The following GM2A variants were observed in gnomAD, a reference collection of about 807,000 sequenced individuals.
GM2A encodes ganglioside GM2 activator.
In GM2A, 7 loss-of-function variants were observed where a neutral mutation model predicts 12.9. The observed-to-expected ratio is 0.54, with a 90% confidence interval of 0.31 to 1.02. The LOEUF is 1.02. GM2A is among the 50% of genes least tolerant of loss of function. GM2A has a pLI of 0.05. For missense variants in GM2A, 246 were observed against 241.0 expected, an observed-to-expected ratio of 1.02 and a Z score of -0.14; for synonymous variants, 101 against 96.0, an observed-to-expected ratio of 1.05 and a Z score of -0.30.
intron 2 of GM2A, 33 bp downstream of exon 2, chr5:151,259,949 G>A: frequency 1.3e-6 from 2 of 1,591,350 alleles, no homozygotes; most frequent in Non-Finnish European, 1.7e-6. Context: ...AAGGGGAGGT[G>A]CGAGGGTCTG....
At chr5:151,262,148 T>C (rs1232965756) in intron 2 of GM2A, among the ~76,000 whole-genome samples, 1 of 152,236 alleles carries the variant, frequency 6.6e-6, no homozygotes. Flanking sequence ...TAGGGGTGTA[T>C]GTTTTTATAT....
At chr5:151,255,813 C>T (rs926673818) in intron 1 of GM2A, among the ~76,000 whole-genome samples, 1 of 152,162 alleles carries the variant, frequency 6.6e-6, no homozygotes, top group Admixed American at 6.5e-5. Flanking sequence ...CTCTTGGCTC[C>T]AGGGCTGGCC....
At position 151,267,968 on chromosome 5, in the gene GM2A, T is replaced by G. The variant is rs1753927301; in HGVS notation, c.*517T>G. The G allele has an allele frequency of 8.9e-7, 1 of 1,120,406 alleles. No homozygotes were observed. Among genetic ancestry groups the G allele is most frequent in the Non-Finnish European group, 1.1e-6 (1 of 909,892 alleles). 69.4% of individuals were successfully genotyped at this position (1,120,406 alleles called of 1,614,324 possible). A position where few individuals can be genotyped will look rare whatever the true frequency, so the allele number is the denominator to read the frequency against. The stretch of plus-strand genomic sequence containing the variant: ...GACTAATTTTTATTTCCTTTCTAGA[T>G]TTGCCCAATTAATACTAGGGTGCAG... On this transcript the variant is annotated 3_prime_UTR_variant, in exon 4 of 4. Transcript: ENST00000357164.
At chr5:151,265,351 T>C (rs1753864927) in intron 2 of GM2A, among the ~76,000 whole-genome samples, 1 of 152,214 alleles carries the variant, frequency 6.6e-6, no homozygotes, top group African/African-American at 2.4e-5. Context: ...GGAACCAGCC[T>C]GAGCCCAGCA....
chr5:151,259,807 C>A lies in GM2A; in HGVS notation c.134C>A (p.Pro45His). The A allele has an allele frequency of 6.2e-7, 1 of 1,613,730 alleles. No homozygotes were observed. Among genetic ancestry groups the A allele is most frequent in the Non-Finnish European group, 8.5e-7 (1 of 1,179,616 alleles). Residue 45 changes from proline (P) to histidine (H), a missense_variant, in exon 2 of 4, where the codon CCT becomes CAT. Physicochemically the swap from Pro to His is moderately conservative, Grantham distance 77. Transcript: ENST00000357164. ...GATAACTGTGATGAAGGGAAGGACC[C>A]TGCGGTGATCAGAAGCCTGACTCTG... Reference protein sequence around the residue: ...SWDNCDEGKDPAVIRSLTLEP... With the variant: ...SWDNCDEGKDHAVIRSLTLEP...
chr5:151,255,316 A>C (rs980464408), intron 1 of GM2A, among the ~76,000 whole-genome samples: 2 of 152,196 alleles, frequency 1.3e-5, no homozygotes, highest in Admixed American at 6.6e-5. Context: ...AAAAAACCCC[A>C]AAAACAAAAA....
intron 1 of GM2A, among the ~76,000 whole-genome samples, chr5:151,258,414 A>T (rs1045867427): frequency 6.6e-6 from 1 of 152,242 alleles, no homozygotes; most frequent in Non-Finnish European, 1.5e-5. Context: ...CTATAAAATC[A>T]CATGGTAAGT....
At position 151,253,199 on chromosome 5, in the gene GM2A, C is replaced by T. The variant is rs749782834; in HGVS notation, c.-18C>T. 1.2e-5 allele frequency: 19 copies of T among 1,606,400 alleles called. No individual in the cohort carries two copies. Among genetic ancestry groups the T allele is most frequent in the South Asian group, 8.8e-5 (8 of 90,920 alleles). ...CCACAGACCTTGCAGTTAACTCCGC[C>T]CTGACCCACCCTTCCCGATGCAGTC... On this transcript the variant is annotated 5_prime_UTR_variant, in exon 1 of 4. Transcript: ENST00000357164.
At chr5:151,267,059 G>A (rs969918266) in intron 3 of GM2A, 146 bp downstream of exon 3, 4 of 856,918 alleles carry the variant, frequency 4.7e-6, no homozygotes, top group Non-Finnish European at 5.7e-6. Context: ...CTTATCTTCC[G>A]GGAGCCTCAG....
chr5:151,258,312 C>T (rs1411561094), intron 1 of GM2A, among the ~76,000 whole-genome samples: 1 of 152,236 alleles, frequency 6.6e-6, no homozygotes, highest in East Asian at 1.9e-4. Flanking sequence ...GCTTTACATA[C>T]ACGCTCTCGC....
At position 151,268,161 on chromosome 5, in the gene GM2A, CTT is replaced by C. The variant is rs35982513; in HGVS notation, c.*722_*723del. 6.1e-4 allele frequency: 516 copies of C among 840,300 alleles called. No individual in the cohort carries two copies. The highest frequency in any genetic ancestry group is 6.9e-4 in the Non-Finnish European group (488 of 705,184). The allele number at this position is 840,300 out of a possible 1,614,324, so 52.1% of individuals were successfully genotyped here. On this transcript the variant is annotated 3_prime_UTR_variant, in exon 4 of 4. Coordinates refer to ENST00000357164, the MANE Select transcript of GM2A (RefSeq NM_000405.5). The stretch of plus-strand genomic sequence containing the variant: ...TTCCAGGCTTGATTTCGATTTTTCG[CTT>C]TTTTTTTTTTTGAGACAGAATCTCA...
At position 151,269,931 on chromosome 5, in the gene GM2A, G is replaced by A. The variant is rs756257410; in HGVS notation, c.*2480G>A. Reference sequence around the variant, plus strand: ...CACGAGTTGACCACTTCCCAATGCCGGGGATCTGACACCTCACCTGGCAAT... The same window carrying A: ...CACGAGTTGACCACTTCCCAATGCCAGGGATCTGACACCTCACCTGGCAAT... On this transcript the variant is annotated 3_prime_UTR_variant, in exon 4 of 4. Transcript: ENST00000357164. 74 of 1,180,326 alleles carry A rather than the reference G, an allele frequency of 6.3e-5. No homozygotes were observed. The highest frequency in any genetic ancestry group is 3.6e-4 in the Admixed American group (8 of 22,490). The allele number at this position is 1,180,326 out of a possible 1,614,324, so 73.1% of individuals were successfully genotyped here. A position where few individuals can be genotyped will look rare whatever the true frequency, so the allele number is the denominator to read the frequency against.
chr5:151,255,016 C>T (rs1753657539), intron 1 of GM2A, among the ~76,000 whole-genome samples: 1 of 152,034 alleles, frequency 6.6e-6, no homozygotes, highest in African/African-American at 2.4e-5. Context: ...TAAAAAAAAC[C>T]CAAGACCAGG....
intron 2 of GM2A, among the ~76,000 whole-genome samples, chr5:151,262,297 CT>C (rs1753812002): frequency 6.6e-6 from 1 of 152,192 alleles, no homozygotes; most frequent in Non-Finnish European, 1.5e-5. Context: ...CAGATCTATT[CT>C]AGTACCAGTT....
chr5:151,259,759 C>T lies in GM2A; in HGVS notation c.86C>T (p.Ser29Phe), dbSNP rs770025057. Residue 29 changes from serine to phenylalanine, a missense_variant, in exon 2 of 4, where the codon TCC becomes TTC. Coordinates refer to ENST00000357164, the MANE Select transcript of GM2A (RefSeq NM_000405.5). ...APAQAHLKKP[S>F]QLSSFSWDNC... is the part of the protein sequence containing the mutation. Reference sequence around the variant, plus strand: ...TTGCTGCCTGATTGTCCCCAGCCATCCCAGCTCAGTAGCTTTTCCTGGGAT... The same window carrying T: ...TTGCTGCCTGATTGTCCCCAGCCATTCCAGCTCAGTAGCTTTTCCTGGGAT... 3 of 1,613,792 alleles carry T rather than the reference C, an allele frequency of 1.9e-6. No individual in the cohort carries two copies. Among genetic ancestry groups the T allele is most frequent in the African/African-American group, 2.7e-5 (2 of 75,024 alleles).
chr5:151,268,389 G>C lies in GM2A; in HGVS notation c.*938G>C, dbSNP rs1130163. On this transcript the variant is annotated 3_prime_UTR_variant, in exon 4 of 4. Transcript: ENST00000357164. ...AGGATGGTCTCGATCTCTTGACCTC[G>C]TGATCTGTCCACCTTGGCCTTGCAA... 1 of 782,122 alleles carries C rather than the reference G, an allele frequency of 1.3e-6. No individual in the cohort carries two copies. Among genetic ancestry groups the C allele is most frequent in the Non-Finnish European group, 1.6e-6 (1 of 644,722 alleles). The allele number at this position is 782,122 out of a possible 1,614,324, so 48.4% of individuals were successfully genotyped here. A position where few individuals can be genotyped will look rare whatever the true frequency, so the allele number is the denominator to read the frequency against.
At chr5:151,254,713 C>T (rs55695833) in intron 1 of GM2A, among the ~76,000 whole-genome samples, 16,777 of 152,240 alleles carry the variant, frequency 0.11, 1,060 homozygotes, top group East Asian at 0.28. Context: ...ATGCCCAGAA[C>T]ATTTACATTA....
At position 151,266,753 on chromosome 5, in the gene GM2A, A is replaced by T; in HGVS notation, c.266A>T (p.Glu89Val). 1 of 1,613,768 alleles carries T rather than the reference A, an allele frequency of 6.2e-7. No homozygotes were observed. Among genetic ancestry groups the T allele is most frequent in the Admixed American group, 1.7e-5 (1 of 60,022 alleles). ...CAGGTGGATTTAGTTTTGGAGAAGG[A>T]GGTGGCTGGCCTCTGGATCAAGATC... is the stretch of plus-strand genomic sequence containing the variant. Reference protein sequence around the residue: ...PLKVDLVLEKEVAGLWIKIPC... With the variant: ...PLKVDLVLEKVVAGLWIKIPC... Residue 89 changes from glutamate to valine, a missense_variant, in exon 3 of 4, where the codon GAG becomes GTG. Physicochemically the swap from Glu to Val is moderately radical, Grantham distance 121. Transcript: ENST00000357164.
chr5:151,264,158 C>T (rs1407330071), intron 2 of GM2A, among the ~76,000 whole-genome samples: 1 of 152,240 alleles, frequency 6.6e-6, no homozygotes, highest in African/African-American at 2.4e-5. Flanking sequence ...GGCCTGGTAA[C>T]TTGGCTCCCC....
Sources: gnomAD v4.1 joint callset for allele counts (sites outside exome capture counted in the v4.1 genomes callset) on GRCh38, gnomAD v4.1.1 for gene constraint, MANE v1.5 for transcripts, NCBI Gene and HGNC (gene_info 2026-07-23, HGNC 2026-07-21) for gene names.